The following PIP5K1B variants were observed in gnomAD, a reference collection of about 807,000 sequenced individuals.
PIP5K1B encodes phosphatidylinositol 4-phosphate 5-kinase type-1 beta.
In PIP5K1B, 42 loss-of-function variants were observed where a neutral mutation model predicts 67.0. The ratio of observed to expected loss-of-function variants is 0.63; its 90% CI spans 0.49 to 0.81. PIP5K1B has a LOEUF of 0.81. Among genes scored for constraint, PIP5K1B ranks in the 30% least tolerant of loss-of-function variants. The probability of loss-of-function intolerance (pLI) is 0.00; values close to 1 mark genes in which losing one functional copy is unlikely to be tolerated. For synonymous variants in PIP5K1B, 214 were observed against 231.4 expected (o/e 0.92, Z 0.68); for missense variants, 459 against 646.3 (o/e 0.71, Z 3.14).
chr9:68,965,130 A>G (rs1828951219), intron 14 of PIP5K1B, among the ~76,000 whole-genome samples: 1 of 152,190 alleles, frequency 6.6e-6, no homozygotes, highest in Admixed American at 6.5e-5. Context: ...CAGCTACACT[A>G]CTTTACCTCC....
intron 2 of PIP5K1B, among the ~76,000 whole-genome samples, chr9:68,747,685 T>G (rs1336011431): frequency 1.3e-5 from 2 of 152,198 alleles, no homozygotes; most frequent in African/African-American, 4.8e-5. Flanking sequence ...GAAGCGAATT[T>G]TAAAATTGTA....
chr9:68,983,125 A>G (rs1452845856), intron 14 of PIP5K1B, among the ~76,000 whole-genome samples: 1 of 152,228 alleles, frequency 6.6e-6, no homozygotes, highest in African/African-American at 2.4e-5. Context: ...CTGAGGCCCA[A>G]AACAAAAGTA....
rs570630319 is a variant in PIP5K1B, at chr9:68,843,875, G to A, written c.70-19962G>A. ...TATTCGTACTGGGAGAAAGATGAAC[G>A]GATTCTGCACAGACACGGGCCCTGC... On this transcript the variant is annotated intron_variant, in intron 4 of 15. Coordinates refer to ENST00000265382, the MANE Select transcript of PIP5K1B (RefSeq NM_003558.4). Among the ~76,000 whole-genome samples, 31 of 152,278 alleles carry A rather than the reference G, an allele frequency of 2.0e-4. No individual in the cohort carries two copies. The South Asian group carries it at 3.1e-3, about 15-fold the overall frequency.
chr9:68,838,462 C>T (rs927687697), intron 4 of PIP5K1B, among the ~76,000 whole-genome samples: 2 of 152,192 alleles, frequency 1.3e-5, no homozygotes, highest in Non-Finnish European at 2.9e-5. Flanking sequence ...ATCCCTTGGT[C>T]ACGTACATTT....
intron 15 of PIP5K1B, among the ~76,000 whole-genome samples, chr9:68,996,537 G>A (rs72722059): frequency 4.1e-4 from 63 of 152,318 alleles, no homozygotes; most frequent in Middle Eastern, 3.4e-3. Flanking sequence ...GAGATGAGCA[G>A]GCTGTATTGA....
chr9:68,874,997 C>T (rs1473923236), intron 5 of PIP5K1B, among the ~76,000 whole-genome samples: 1 of 151,804 alleles, frequency 6.6e-6, no homozygotes, highest in East Asian at 1.9e-4. Flanking sequence ...TTTGACAGTC[C>T]CATGGGATTT....
intron 7 of PIP5K1B, among the ~76,000 whole-genome samples, chr9:68,893,941 A>G (rs1824950102): frequency 1.3e-5 from 2 of 152,228 alleles, no homozygotes; most frequent in Non-Finnish European, 2.9e-5. Flanking sequence ...GTGGTTGTAA[A>G]TTGGTCTGCC....
intron 11 of PIP5K1B, among the ~76,000 whole-genome samples, 178 bp from the exon 12 acceptor site, chr9:68,923,124 C>G (rs140204751): frequency 1.3e-5 from 2 of 152,298 alleles, no homozygotes; most frequent in African/African-American, 2.4e-5. Context: ...TCTGTGCCCT[C>G]CTCCCTCAGC....
chr9:68,995,153 TGAAAGAAAA>T (rs1233473092), intron 15 of PIP5K1B, among the ~76,000 whole-genome samples: 4 of 126,808 alleles, frequency 3.2e-5, no homozygotes, highest in African/African-American at 6.2e-5. Flanking sequence ...CTAAAGAAAT[TGAAAGAAAA>T]GAAAGAAAAG....
intron 2 of PIP5K1B, among the ~76,000 whole-genome samples, chr9:68,754,171 A>ATTTTTTT (rs750644171): frequency 1.8e-5 from 1 of 55,564 alleles, no homozygotes; most frequent in Non-Finnish European, 3.5e-5. Flanking sequence ...ATGTTCCATG[A>ATTTTTTT]TTTCTTTTTT....
chr9:68,952,215 G>A lies in PIP5K1B; in HGVS notation c.1502+11425G>A, dbSNP rs1328534503. On this transcript the variant is annotated intron_variant, in intron 14 of 15. Coordinates refer to ENST00000265382, the MANE Select transcript of PIP5K1B (RefSeq NM_003558.4). Reference sequence around the variant, plus strand: ...TTCTTCGGTTTGCTTAGTTTTCTGTGTATTTTTCCTTAATAGAACCCTAAG... The same window carrying A: ...TTCTTCGGTTTGCTTAGTTTTCTGTATATTTTTCCTTAATAGAACCCTAAG... Among the ~76,000 whole-genome samples, 4 of 152,138 alleles carry A rather than the reference G, an allele frequency of 2.6e-5. No homozygotes were observed. In the East Asian group the frequency reaches 5.8e-4, roughly 22 times the overall value.
intron 1 of PIP5K1B, among the ~76,000 whole-genome samples, chr9:68,721,939 G>A (rs1827906969): frequency 6.6e-6 from 1 of 152,146 alleles, no homozygotes; most frequent in African/African-American, 2.4e-5. Flanking sequence ...AATGGCATCA[G>A]ATTTTCATGA....
intron 2 of PIP5K1B, among the ~76,000 whole-genome samples, chr9:68,786,508 C>A (rs1157926149): frequency 6.6e-6 from 1 of 151,386 alleles, no homozygotes; most frequent in Non-Finnish European, 1.5e-5. Flanking sequence ...ACTTGAAGAC[C>A]ATTTCCCAGC....
At chr9:68,972,921 C>T (rs1339353546) in intron 14 of PIP5K1B, among the ~76,000 whole-genome samples, 3 of 152,184 alleles carry the variant, frequency 2.0e-5, no homozygotes, top group East Asian at 1.9e-4. Flanking sequence ...AATTCAGGCA[C>T]CTCCAGCATG....
chr9:68,840,914 A>G (rs1393346700), intron 4 of PIP5K1B, among the ~76,000 whole-genome samples: 1 of 152,208 alleles, frequency 6.6e-6, no homozygotes, highest in Non-Finnish European at 1.5e-5. Context: ...TCTGTCTGCC[A>G]CCATATAATT....
chr9:68,867,720 C>T (rs1284662524), intron 5 of PIP5K1B, among the ~76,000 whole-genome samples: 1 of 152,100 alleles, frequency 6.6e-6, no homozygotes, highest in Non-Finnish European at 1.5e-5. Context: ...ATAAATCAGT[C>T]AAATAATGCT....
At chr9:68,950,681 G>C (rs1013762546) in intron 14 of PIP5K1B, among the ~76,000 whole-genome samples, 2 of 152,130 alleles carry the variant, frequency 1.3e-5, no homozygotes, top group African/African-American at 4.8e-5. Context: ...CTAGCTGGGG[G>C]GTCTGCAAGA....
intron 4 of PIP5K1B, chr9:68,824,332 G>A (rs761008962): frequency 9.9e-6 from 5 of 507,022 alleles, no homozygotes; most frequent in African/African-American, 3.9e-5. Context: ...ACATCTCAGA[G>A]TTTGCTAAGT....
chr9:68,865,329 GT>G (rs1315664117), intron 5 of PIP5K1B, among the ~76,000 whole-genome samples: 1 of 151,726 alleles, frequency 6.6e-6, no homozygotes, highest in Non-Finnish European at 1.5e-5. Flanking sequence ...TTAACTACAT[GT>G]TTTTCTCTTA....
Sources: allele counts gnomAD v4.1 joint callset (sites outside exome capture counted in the v4.1 genomes callset), GRCh38; gene constraint gnomAD v4.1.1; transcripts MANE v1.5; gene names NCBI Gene and HGNC (gene_info 2026-07-23, HGNC 2026-07-21).